The following ACTR3C variants were observed in gnomAD, a reference collection of about 807,000 sequenced individuals.
ACTR3C encodes actin related protein 3C, also known as actin-related protein 3C.
A neutral mutation model predicts 26.3 loss-of-function variants in ACTR3C; 18 were observed. The observed-to-expected ratio is 0.68, with a 90% CI of 0.47 to 1.01. The LOEUF is 1.01. Among genes scored for constraint, ACTR3C ranks in the 50% least tolerant of loss-of-function variants. The pLI, the probability that ACTR3C is intolerant of heterozygous loss-of-function variation, is 0.00. For missense variants in ACTR3C, 184 were observed against 250.7 expected (o/e 0.73, Z 1.80); for synonymous variants, 55 against 94.5 (o/e 0.58, Z 2.42).
At chr7:150,036,962 G>T in the ACTR3C span, among the ~76,000 whole-genome samples, 2 of 82,576 alleles carry the variant, frequency 2.4e-5, no homozygotes, top group African/African-American at 8.6e-5. Flanking sequence ...ACCAGGGGCT[G>T]GCTCTCAGTC....
the ACTR3C span, among the ~76,000 whole-genome samples, chr7:149,930,154 G>A: frequency 6.6e-6 from 1 of 152,208 alleles, no homozygotes; most frequent in African/African-American, 2.4e-5. Flanking sequence ...CAGATGCAAT[G>A]TATGCCGCTG....
chr7:150,016,008 G>A, the ACTR3C span, among the ~76,000 whole-genome samples: 4 of 151,404 alleles, frequency 2.6e-5, no homozygotes, highest in Non-Finnish European at 5.9e-5. Flanking sequence ...GCAAAGGCTT[G>A]GCCCTTTCTA....
chr7:150,023,010 A>G, the ACTR3C span, among the ~76,000 whole-genome samples: 1 of 151,478 alleles, frequency 6.6e-6, no homozygotes, highest in African/African-American at 2.4e-5. Flanking sequence ...CACACAGTAC[A>G]GATCACATAA....
intron 6 of ACTR3C, among the ~76,000 whole-genome samples, chr7:150,252,124 CTGTGTG>C (rs59701305): frequency 3.4e-5 from 5 of 146,942 alleles, no homozygotes; most frequent in Admixed American, 6.8e-5. Flanking sequence ...GTGTATGTGT[CTGTGTG>C]TGTGTGTGTG....
chr7:149,924,125 C>G, the ACTR3C span, among the ~76,000 whole-genome samples: 11 of 151,420 alleles, frequency 7.3e-5, 1 homozygote, highest in East Asian at 2.3e-3. Context: ...CCTGTAATCC[C>G]AGCACTTTGA....
the ACTR3C span, among the ~76,000 whole-genome samples, chr7:149,963,793 A>C: frequency 1.3e-5 from 2 of 152,208 alleles, no homozygotes; most frequent in Non-Finnish European, 2.9e-5. Context: ...TGTTTCTATG[A>C]GGTATATAAT....
At chr7:150,102,091 T>C in the ACTR3C span, among the ~76,000 whole-genome samples, 1 of 151,782 alleles carries the variant, frequency 6.6e-6, no homozygotes, top group South Asian at 2.1e-4. Context: ...TGATGTGCAT[T>C]CCATTGCTTT....
chr7:150,040,298 G>C, the ACTR3C span, among the ~76,000 whole-genome samples: 1 of 147,576 alleles, frequency 6.8e-6, no homozygotes. Flanking sequence ...CACAGTTTGG[G>C]TTAAAAGTCC....
the ACTR3C span, among the ~76,000 whole-genome samples, chr7:149,906,412 CTTTTTTTTTTTTTTTTT>C: frequency 5.5e-5 from 4 of 72,100 alleles, no homozygotes; most frequent in African/African-American, 1.5e-4. Context: ...GGGTTTGTTT[CTTTTTTTTTTTTTTTTT>C]TTTTTTTTTT....
At chr7:150,194,284 T>C in the ACTR3C span, among the ~76,000 whole-genome samples, 2 of 146,816 alleles carry the variant, frequency 1.4e-5, no homozygotes, top group Non-Finnish European at 3.0e-5. Flanking sequence ...TATTATATAA[T>C]ATATAAAAGT....
At chr7:150,199,639 TAA>T in the ACTR3C span, among the ~76,000 whole-genome samples, 1,167 of 77,136 alleles carry the variant, frequency 0.015, 43 homozygotes, top group African/African-American at 0.049. Flanking sequence ...TAAATAAAAA[TAA>T]AAAAAAATAA....
the ACTR3C span, among the ~76,000 whole-genome samples, chr7:149,936,952 G>T: frequency 6.6e-6 from 1 of 151,426 alleles, no homozygotes; most frequent in African/African-American, 2.4e-5. Flanking sequence ...ACCATACCCA[G>T]CTAACTTTCT....
At chr7:150,135,426 G>T in the ACTR3C span, among the ~76,000 whole-genome samples, 1 of 152,192 alleles carries the variant, frequency 6.6e-6, no homozygotes, top group South Asian at 2.1e-4. Context: ...CATGAGGAGC[G>T]CTGCCTAAGG....
At chr7:150,032,766 G>C in the ACTR3C span, among the ~76,000 whole-genome samples, 1 of 152,154 alleles carries the variant, frequency 6.6e-6, no homozygotes, top group African/African-American at 2.4e-5. Context: ...TACTTTAGTA[G>C]AGGTAGTGGT....
the ACTR3C span, among the ~76,000 whole-genome samples, chr7:149,907,478 T>TTCTCTTCTCTCTTCTCTCTCTCTCTC: frequency 1.0e-5 from 1 of 97,606 alleles, no homozygotes; most frequent in South Asian, 4.6e-4. Context: ...CTCTCTTCTC[T>TTCTCTTCTCTCTTCTCTCTCTCTCTC]TCTCTCTCTC....
Position 150,287,664 on chromosome 7 carries a change from A to G in ACTR3C, c.298-1124T>C, listed in dbSNP as rs369996924. Among the ~76,000 whole-genome samples the G allele has an allele frequency of 2.9e-4, 44 of 151,926 alleles. No homozygotes were observed. In the East Asian group the frequency reaches 7.2e-3, roughly 25 times the overall value. On this transcript the variant is annotated intron_variant, in intron 4 of 7. Transcript: ENST00000683684. ...GGTATTAAGTTTAAAGTTTCTTAGC[A>G]TCCCTGAAACATATTCTAATGCCAT...
chr7:149,996,295 A>G, the ACTR3C span, among the ~76,000 whole-genome samples: 1 of 150,604 alleles, frequency 6.6e-6, no homozygotes, highest in African/African-American at 2.4e-5. Flanking sequence ...GGTCTGGGAG[A>G]CGGCGGAGGC....
the ACTR3C span, among the ~76,000 whole-genome samples, chr7:150,221,911 T>C: frequency 3.1e-3 from 446 of 145,028 alleles, 2 homozygotes; most frequent in Non-Finnish European, 5.3e-3. Context: ...GGCGAGAGAA[T>C]GGCGTGAACC....
At chr7:150,003,467 G>T in the ACTR3C span, among the ~76,000 whole-genome samples, 6 of 152,278 alleles carry the variant, frequency 3.9e-5, no homozygotes, top group Admixed American at 3.3e-4. Flanking sequence ...AGTATGTGTT[G>T]TGTGTGGTGT....
Sources: allele counts gnomAD v4.1 joint callset (sites outside exome capture counted in the v4.1 genomes callset), GRCh38; gene constraint gnomAD v4.1.1; transcripts MANE v1.5; gene names NCBI Gene and HGNC (gene_info 2026-07-23, HGNC 2026-07-21).